TTC27: variants seen among roughly 807,000 people sequenced by gnomAD.
TTC27 encodes tetratricopeptide repeat domain 27, also known as tetratricopeptide repeat protein 27.
Under a neutral mutation model 115.9 loss-of-function variants are expected in TTC27, and 79 were observed. The ratio of observed to expected loss-of-function variants is 0.68; its 90% CI spans 0.57 to 0.82. TTC27 has a LOEUF of 0.82. Ranked by LOEUF, TTC27 falls within the 40% of genes least tolerant of loss-of-function variation. TTC27 has a pLI of 0.00. For synonymous variants in TTC27, 401 were observed against 356.0 expected, an observed-to-expected ratio of 1.13 and a Z score of -1.42; for missense variants, 1,054 against 993.1, an observed-to-expected ratio of 1.06 and a Z score of -0.82.
intron 1 of TTC27, among the ~76,000 whole-genome samples, chr2:32,629,136 G>T (rs1393404720): frequency 1.3e-5 from 2 of 150,252 alleles, no homozygotes; most frequent in Non-Finnish European, 3.0e-5. Context: ...TTGTTTTTTT[G>T]GGGGGATGGA....
chr2:32,694,541 TA>T (rs576576184), intron 9 of TTC27, among the ~76,000 whole-genome samples: 155 of 151,956 alleles, frequency 1.0e-3, no homozygotes, highest in African/African-American at 3.6e-3. Context: ...CCATCTCTAT[TA>T]AAAAAAATAA....
chr2:32,820,708 G>A (rs202160582), intron 19 of TTC27, 108 bp from the exon 20 acceptor site: 30 of 1,004,934 alleles, frequency 3.0e-5, no homozygotes, highest in Non-Finnish European at 3.9e-5. Flanking sequence ...TATTATAATT[G>A]TATAGTATTA....
intron 19 of TTC27, among the ~76,000 whole-genome samples, chr2:32,819,228 C>A (rs540732171): frequency 1.3e-5 from 2 of 152,296 alleles, no homozygotes; most frequent in South Asian, 4.1e-4. Flanking sequence ...ATTGTCTGTG[C>A]AGGTACTGCA....
chr2:32,725,019 C>CTTTATAAAAAAA (rs1668060052), intron 10 of TTC27, among the ~76,000 whole-genome samples: 2 of 152,052 alleles, frequency 1.3e-5, no homozygotes, highest in Admixed American at 1.3e-4. Flanking sequence ...TATAAAACCA[C>CTTTATAAAAAAA]CAGATCTTGT....
intron 13 of TTC27, among the ~76,000 whole-genome samples, chr2:32,773,538 C>T (rs1011101622): frequency 3.3e-5 from 5 of 152,176 alleles, no homozygotes; most frequent in African/African-American, 1.2e-4. Context: ...ATGGTGTTGT[C>T]GGAGGCAGAG....
At chr2:32,737,756 A>G (rs112383692) in intron 12 of TTC27, among the ~76,000 whole-genome samples, 2,899 of 152,192 alleles carry the variant, frequency 0.019, 58 homozygotes, top group Middle Eastern at 0.041. Flanking sequence ...TAATCCTAAC[A>G]CCTCGAGAAG....
chr2:32,629,891 ATGTG>A (rs145680674), intron 1 of TTC27, among the ~76,000 whole-genome samples: 1 of 151,714 alleles, frequency 6.6e-6, no homozygotes, highest in Non-Finnish European at 1.5e-5. Context: ...CTCTGTGTGT[ATGTG>A]TGTGTGTGTG....
intron 9 of TTC27, among the ~76,000 whole-genome samples, chr2:32,690,338 G>C (rs1301623809): frequency 6.6e-6 from 1 of 152,094 alleles, no homozygotes; most frequent in Non-Finnish European, 1.5e-5. Context: ...CATGCTACTA[G>C]ATGTTGTGGA....
At chr2:32,792,991 G>A (rs1670586846) in intron 16 of TTC27, among the ~76,000 whole-genome samples, 1 of 152,160 alleles carries the variant, frequency 6.6e-6, no homozygotes, top group Admixed American at 6.5e-5. Context: ...TCCTGATGGA[G>A]GTGAGAAATA....
At chr2:32,811,910 T>G (rs746521649) in intron 17 of TTC27, among the ~76,000 whole-genome samples, 7 of 151,822 alleles carry the variant, frequency 4.6e-5, no homozygotes, top group Non-Finnish European at 1.0e-4. Context: ...TTCTTAGCCA[T>G]TCTCTCCTCC....
chr2:32,755,442 G>A (rs1669197393), intron 12 of TTC27, among the ~76,000 whole-genome samples: 1 of 152,220 alleles, frequency 6.6e-6, no homozygotes, highest in Admixed American at 6.5e-5. Flanking sequence ...AACCAGACAG[G>A]CGTGGCAGCG....
intron 10 of TTC27, among the ~76,000 whole-genome samples, chr2:32,705,919 T>C (rs568257903): frequency 6.6e-6 from 1 of 152,276 alleles, no homozygotes; most frequent in Admixed American, 6.5e-5. Context: ...AATTCCATGA[T>C]TATTTAATAA....
intron 10 of TTC27, among the ~76,000 whole-genome samples, chr2:32,707,236 C>A (rs564643687): frequency 7.9e-4 from 121 of 152,288 alleles, no homozygotes; most frequent in African/African-American, 2.8e-3. Flanking sequence ...GTTCTGGGGA[C>A]TTGGGAAGCC....
At chr2:32,772,473 A>C (rs1226016949) in intron 13 of TTC27, among the ~76,000 whole-genome samples, 1 of 152,254 alleles carries the variant, frequency 6.6e-6, no homozygotes, top group Non-Finnish European at 1.5e-5. Flanking sequence ...ATACATTTTC[A>C]GTAGAAACTA....
chr2:32,786,127 A>T (rs1030835175), intron 15 of TTC27, among the ~76,000 whole-genome samples: 65 of 148,760 alleles, frequency 4.4e-4, no homozygotes, highest in Admixed American at 1.3e-3. Context: ...CTTAAAATCA[A>T]TTTTTTTTTT....
At chr2:32,801,075 CAT>C (rs1441008600) in intron 16 of TTC27, among the ~76,000 whole-genome samples, 2 of 152,136 alleles carry the variant, frequency 1.3e-5, no homozygotes, top group East Asian at 1.9e-4. Flanking sequence ...CAGTGACATT[CAT>C]ATGTTTATTG....
At chr2:32,717,533 T>C (rs1667794405) in intron 10 of TTC27, among the ~76,000 whole-genome samples, 1 of 152,038 alleles carries the variant, frequency 6.6e-6, no homozygotes, top group African/African-American at 2.4e-5. Flanking sequence ...CTGTTAGTTA[T>C]TATCTTTCTT....
At chr2:32,725,071 G>GC (rs1208263421) in intron 10 of TTC27, among the ~76,000 whole-genome samples, 1 of 152,124 alleles carries the variant, frequency 6.6e-6, no homozygotes, top group Non-Finnish European at 1.5e-5. Flanking sequence ...GGAAAGAGTT[G>GC]CCCCACATGA....
At chr2:32,678,987 T>A (rs1416070000) in intron 9 of TTC27, 65 bp downstream of exon 9, 23 of 1,415,968 alleles carry the variant, frequency 1.6e-5, no homozygotes, top group Non-Finnish European at 2.1e-5. Context: ...TCTGGTATGG[T>A]CTTGCCTTGG....
Sources: gnomAD v4.1 joint callset for allele counts (sites outside exome capture counted in the v4.1 genomes callset) on GRCh38, gnomAD v4.1.1 for gene constraint, MANE v1.5 for transcripts, NCBI Gene and HGNC (gene_info 2026-07-23, HGNC 2026-07-21) for gene names.